The following WWOX variants were observed in gnomAD, a reference collection of about 807,000 sequenced individuals.
The protein encoded by WWOX is WW domain containing oxidoreductase, also known as WW domain-containing oxidoreductase.
WWOX carries 69 observed loss-of-function variants against 46.2 expected under a neutral mutation model. The observed-to-expected ratio is 1.49, with a 90% CI of 1.23 to 1.82. WWOX has a LOEUF of 1.82. Ranked by LOEUF, WWOX falls within the 40% of genes most tolerant of loss-of-function variation. The pLI is 0.00. For synonymous variants in WWOX, 359 were observed against 202.6 expected (o/e 1.77, Z -6.56); for missense variants, 919 against 542.6 (o/e 1.69, Z -6.89).
At chr16:78,627,912 C>T (rs1229023003) in intron 8 of WWOX, among the ~76,000 whole-genome samples, 1 of 152,210 alleles carries the variant, frequency 6.6e-6, no homozygotes, top group Admixed American at 6.5e-5. Context: ...TTGGCCAGAA[C>T]TTGTCTGGAA....
intron 8 of WWOX, among the ~76,000 whole-genome samples, chr16:78,721,017 A>G (rs57247247): frequency 0.021 from 3,242 of 152,096 alleles, 44 homozygotes; most frequent in South Asian, 0.036. Flanking sequence ...TGAATTTACT[A>G]TTGCCAACTC....
intron 8 of WWOX, among the ~76,000 whole-genome samples, chr16:78,695,346 C>T (rs1056414450): frequency 1.3e-5 from 2 of 151,998 alleles, no homozygotes; most frequent in African/African-American, 4.8e-5. Context: ...CCCATATGTC[C>T]CTCCCTCATT....
chr16:78,952,555 G>C (rs113205576), intron 8 of WWOX, among the ~76,000 whole-genome samples: 258 of 152,004 alleles, frequency 1.7e-3, no homozygotes, highest in African/African-American at 5.7e-3. Flanking sequence ...GCTAATTTTT[G>C]TATTTTTAGT....
intron 8 of WWOX, among the ~76,000 whole-genome samples, chr16:79,127,523 T>C (rs887826658): frequency 1.6e-4 from 25 of 152,190 alleles, no homozygotes; most frequent in Non-Finnish European, 1.3e-4. Context: ...TTGATAGACA[T>C]TTGGGTTGTT....
intron 8 of WWOX, among the ~76,000 whole-genome samples, chr16:78,737,003 A>C (rs1378221948): frequency 6.6e-6 from 1 of 152,132 alleles, no homozygotes; most frequent in Non-Finnish European, 1.5e-5. Context: ...CTAGGTTTGC[A>C]GAGTGATGAG....
intron 8 of WWOX, among the ~76,000 whole-genome samples, chr16:78,434,023 T>C (rs969884808): frequency 6.6e-6 from 1 of 151,994 alleles, no homozygotes; most frequent in African/African-American, 2.4e-5. Context: ...TCTCCTGACC[T>C]CGTGATCCGC....
intron 8 of WWOX, among the ~76,000 whole-genome samples, chr16:79,046,637 C>T (rs555952318): frequency 2.0e-5 from 3 of 152,120 alleles, no homozygotes; most frequent in African/African-American, 4.8e-5. Context: ...TTCTGTCTCA[C>T]CAGGAGGACT....
chr16:78,462,474 C>T (rs189156849), intron 8 of WWOX, among the ~76,000 whole-genome samples: 1 of 152,282 alleles, frequency 6.6e-6, no homozygotes, highest in East Asian at 1.9e-4. Context: ...TGCTATTAAG[C>T]AGGTATTTCC....
intron 8 of WWOX, among the ~76,000 whole-genome samples, chr16:79,131,290 A>T (rs758154905): frequency 6.6e-6 from 1 of 152,188 alleles, no homozygotes; most frequent in Non-Finnish European, 1.5e-5. Context: ...TGTACTCCCA[A>T]GAGGCATGGA....
intron 8 of WWOX, among the ~76,000 whole-genome samples, chr16:78,716,595 G>C (rs766783889): frequency 1.3e-5 from 2 of 152,024 alleles, no homozygotes; most frequent in East Asian, 1.9e-4. Context: ...AGGCAAGTTC[G>C]TGTGGTTCTG....
intron 8 of WWOX, among the ~76,000 whole-genome samples, chr16:78,668,447 T>A (rs559712916): frequency 6.6e-6 from 1 of 152,330 alleles, no homozygotes; most frequent in African/African-American, 2.4e-5. Context: ...TTCCATTCTT[T>A]CCTTTGTATA....
chr16:78,998,340 G>A (rs1029440048), intron 8 of WWOX, among the ~76,000 whole-genome samples: 1 of 152,206 alleles, frequency 6.6e-6, no homozygotes, highest in Non-Finnish European at 1.5e-5. Context: ...AGCTTCTTGA[G>A]TGAAGGGTCT....
chr16:78,571,082 T>A (rs570442809), intron 8 of WWOX, among the ~76,000 whole-genome samples: 1 of 152,202 alleles, frequency 6.6e-6, no homozygotes, highest in Non-Finnish European at 1.5e-5. Flanking sequence ...ATTGCTCCTT[T>A]CTTTATCTGC....
chr16:78,700,312 C>CAGAGAGAG lies in WWOX; in HGVS notation c.1056+267602_1056+267609dup, dbSNP rs55638553. On this transcript the variant is annotated intron_variant, in intron 8 of 8. Coordinates refer to ENST00000566780, the MANE Select transcript of WWOX (RefSeq NM_016373.4). ...TCTTGCTGTGTCCTCACTTAGTAGA[C>CAGAGAGAG]AGAGAGAGAGAGAGAGAGAGAGAGA... Among the ~76,000 whole-genome samples, 251 of 130,536 alleles carry CAGAGAGAG rather than the reference C, an allele frequency of 1.9e-3. 2 individuals are homozygous for CAGAGAGAG. Among genetic ancestry groups the CAGAGAGAG allele is most frequent in the African/African-American group, 5.0e-3 (174 of 35,116 alleles). 85.6% of individuals were successfully genotyped at this position (130,536 alleles called of 152,430 possible). A position where few individuals can be genotyped will look rare whatever the true frequency, so the allele number is the denominator to read the frequency against.
chr16:78,659,381 C>T (rs1051009181), intron 8 of WWOX, among the ~76,000 whole-genome samples: 1 of 152,104 alleles, frequency 6.6e-6, no homozygotes, highest in Non-Finnish European at 1.5e-5. Context: ...TCAGGGTCAT[C>T]TGGGAACTTG....
At chr16:78,972,407 A>AT (rs1567449863) in intron 8 of WWOX, among the ~76,000 whole-genome samples, 1 of 151,928 alleles carries the variant, frequency 6.6e-6, no homozygotes, top group Non-Finnish European at 1.5e-5. Flanking sequence ...ATTTATATCT[A>AT]TAATATTTTA....
At chr16:78,243,713 A>C (rs1162038414) in intron 5 of WWOX, among the ~76,000 whole-genome samples, 1 of 152,084 alleles carries the variant, frequency 6.6e-6, no homozygotes, top group Non-Finnish European at 1.5e-5. Flanking sequence ...TGCCCGGCTA[A>C]GTTTTGTATT....
intron 5 of WWOX, among the ~76,000 whole-genome samples, chr16:78,172,632 C>T (rs888449809): frequency 9.9e-5 from 15 of 151,378 alleles, no homozygotes; most frequent in Non-Finnish European, 2.1e-4. Flanking sequence ...AGTCTTGAAC[C>T]GAATCTTTCA....
intron 5 of WWOX, among the ~76,000 whole-genome samples, chr16:78,176,094 C>A (rs1458977021): frequency 6.6e-6 from 1 of 152,198 alleles, no homozygotes; most frequent in African/African-American, 2.4e-5. Context: ...TTAGTAAGTT[C>A]TCCCTCATAT....
Sources: allele counts gnomAD v4.1 joint callset (sites outside exome capture counted in the v4.1 genomes callset), GRCh38; gene constraint gnomAD v4.1.1; transcripts MANE v1.5; gene names NCBI Gene and HGNC (gene_info 2026-07-23, HGNC 2026-07-21).